The following TPRG1 variants were observed in gnomAD, a reference collection of about 807,000 sequenced individuals.
TPRG1 encodes tumor protein p63 regulated 1.
A neutral mutation model predicts 29.3 loss-of-function variants in TPRG1; 29 were observed. The observed-to-expected ratio is 0.99, with a 90% CI of 0.74 to 1.35. TPRG1 has a LOEUF of 1.35. Among genes scored for constraint, TPRG1 ranks in the 40% most tolerant of loss-of-function variants. TPRG1 has a pLI of 0.00. For missense variants in TPRG1, 327 were observed against 335.0 expected (o/e 0.98, Z 0.19); for synonymous variants, 130 against 116.8 (o/e 1.11, Z -0.73).
chr3:189,191,575 A>G (rs558335346), intron 1 of TPRG1, among the ~76,000 whole-genome samples: 2 of 152,240 alleles, frequency 1.3e-5, no homozygotes, highest in East Asian at 3.9e-4. Flanking sequence ...CCTTAGAATG[A>G]TATTATTTGG....
chr3:189,222,177 A>G (rs1737041995), intron 3 of TPRG1, among the ~76,000 whole-genome samples: 1 of 152,170 alleles, frequency 6.6e-6, no homozygotes, highest in Non-Finnish European at 1.5e-5. Context: ...GTCTTTGACC[A>G]GGAACAACAA....
At chr3:189,088,428 A>C (rs1020537144) in intron 4 of TPRG1, among the ~76,000 whole-genome samples, 25 of 152,318 alleles carry the variant, frequency 1.6e-4, no homozygotes, top group African/African-American at 5.5e-4. Flanking sequence ...TTCTAAATAC[A>C]CAATCATGTC....
chr3:189,053,890 T>C (rs1422088572), intron 4 of TPRG1, among the ~76,000 whole-genome samples: 1 of 152,226 alleles, frequency 6.6e-6, no homozygotes, highest in East Asian at 1.9e-4. Context: ...TTGTTTGATC[T>C]TCTTTACAGA....
At chr3:189,151,517 G>A (rs1408254517) in intron 5 of TPRG1, among the ~76,000 whole-genome samples, 2 of 151,992 alleles carry the variant, frequency 1.3e-5, no homozygotes, top group Non-Finnish European at 1.5e-5. Flanking sequence ...GTAAGAAAGA[G>A]AAACCTAAAG....
chr3:189,098,922 C>G (rs946968107), upstream of TPRG1, among the ~76,000 whole-genome samples: 2 of 152,094 alleles, frequency 1.3e-5, no homozygotes, highest in Non-Finnish European at 2.9e-5. Context: ...GCAGGTAGAA[C>G]AGGTGGAAAA....
chr3:189,221,975 T>C (rs2108866980), intron 3 of TPRG1, among the ~76,000 whole-genome samples: 1 of 152,054 alleles, frequency 6.6e-6, no homozygotes, highest in East Asian at 1.9e-4. Flanking sequence ...TTTGTGATTT[T>C]TTTTTTTCAT....
chr3:189,082,235 T>C (rs548855033), intron 4 of TPRG1, among the ~76,000 whole-genome samples: 3 of 152,306 alleles, frequency 2.0e-5, no homozygotes, highest in African/African-American at 7.2e-5. Flanking sequence ...TGAGAAAACC[T>C]GGGTCCTTGC....
intron 4 of TPRG1, among the ~76,000 whole-genome samples, chr3:189,094,104 G>A (rs1718517391): frequency 6.6e-6 from 1 of 152,144 alleles, no homozygotes; most frequent in Non-Finnish European, 1.5e-5. Flanking sequence ...CGAACCCTGG[G>A]ACACAAAGAT....
intron 3 of TPRG1, among the ~76,000 whole-genome samples, chr3:189,237,948 G>C (rs564607921): frequency 6.6e-6 from 1 of 152,124 alleles, no homozygotes; most frequent in Non-Finnish European, 1.5e-5. Context: ...AAGTGCTGTC[G>C]GTCTGGGGAA....
intron 3 of TPRG1, among the ~76,000 whole-genome samples, chr3:189,008,054 AG>A (rs1391875125): frequency 7.7e-6 from 1 of 130,324 alleles, no homozygotes; most frequent in Non-Finnish European, 1.6e-5. Flanking sequence ...TAATAAAAAA[AG>A]AAAAGAAAGA....
intron 4 of TPRG1, among the ~76,000 whole-genome samples, chr3:189,243,645 T>C (rs1392204274): frequency 6.6e-6 from 1 of 152,172 alleles, no homozygotes; most frequent in Non-Finnish European, 1.5e-5. Context: ...TCTTTGCTCA[T>C]ATGTATGAGT....
chr3:189,272,665 T>TCTTC (rs1314702822), intron 4 of TPRG1, among the ~76,000 whole-genome samples: 2 of 149,024 alleles, frequency 1.3e-5, no homozygotes, highest in African/African-American at 5.1e-5. Flanking sequence ...TTCGTTTCTT[T>TCTTC]CTTCCTTCCT....
At chr3:189,312,189 C>CTTTCTTTCTTTCTTTCTTTCTTTCTTTT (rs1722778777) in intron 5 of TPRG1, among the ~76,000 whole-genome samples, 1 of 34,844 alleles carries the variant, frequency 2.9e-5, no homozygotes, top group Non-Finnish European at 5.5e-5. Flanking sequence ...TTCTTTTTTT[C>CTTTCTTTCTTTCTTTCTTTCTTTCTTTT]TTTCTTTCTT....
At chr3:189,109,163 A>G (rs1178120186) in intron 1 of TPRG1, among the ~76,000 whole-genome samples, 2 of 152,054 alleles carry the variant, frequency 1.3e-5, no homozygotes, top group Non-Finnish European at 2.9e-5. Flanking sequence ...GAGAGAGGGA[A>G]GGAGAAGAGG....
rs192155053 is a variant in TPRG1 at position 189,153,149 on chromosome 3, C to T, written c.-10+2277C>T. On this transcript the variant is annotated intron_variant, in intron 5 of 6. Transcript: ENST00000412373. ...TTATGCCAGAGAGTGAGTTTGCCATCGCCAGGCTTTTACAAATGTCGTCAT... is the reference window on the plus strand; with the variant it reads ...TTATGCCAGAGAGTGAGTTTGCCATTGCCAGGCTTTTACAAATGTCGTCAT... Among the ~76,000 whole-genome samples the T allele has an allele frequency of 1.8e-4, 28 of 152,280 alleles. 1 individual carries two copies. Among genetic ancestry groups the T allele is most frequent in the South Asian group, 1.2e-3 (6 of 4,826 alleles).
At chr3:189,144,488 A>T (rs1724987930) in intron 3 of TPRG1, among the ~76,000 whole-genome samples, 1 of 152,234 alleles carries the variant, frequency 6.6e-6, no homozygotes, top group Non-Finnish European at 1.5e-5. Context: ...ACTGAGCATT[A>T]AAATATAACT....
intron 4 of TPRG1, among the ~76,000 whole-genome samples, chr3:189,260,243 A>G (rs971295958): frequency 1.3e-5 from 2 of 152,294 alleles, no homozygotes; most frequent in Non-Finnish European, 2.9e-5. Context: ...TGCTTAGAAG[A>G]ACATTTGGTA....
intron 5 of TPRG1, 37 bp downstream of exon 5, chr3:189,310,576 T>C: frequency 6.4e-7 from 1 of 1,561,674 alleles, no homozygotes; most frequent in Non-Finnish European, 8.7e-7. Context: ...CAGATTAGCT[T>C]TGTTGCTGGA....
At chr3:189,062,370 T>C (rs1204616757) in intron 4 of TPRG1, among the ~76,000 whole-genome samples, 4 of 152,062 alleles carry the variant, frequency 2.6e-5, no homozygotes, top group African/African-American at 9.7e-5. Flanking sequence ...AAATAATCTG[T>C]ACAACAAACC....
Sources: allele counts gnomAD v4.1 joint callset (sites outside exome capture counted in the v4.1 genomes callset), GRCh38; gene constraint gnomAD v4.1.1; transcripts MANE v1.5; gene names NCBI Gene and HGNC (gene_info 2026-07-23, HGNC 2026-07-21).